The following KCNQ1 variants were observed in gnomAD, a reference collection of about 807,000 sequenced individuals.
KCNQ1 encodes the protein potassium voltage-gated channel subfamily KQT member 1.
A neutral mutation model predicts 72.4 loss-of-function variants in KCNQ1; 49 were observed. The ratio of observed to expected loss-of-function variants is 0.68; its 90% CI spans 0.54 to 0.86. The LOEUF (loss-of-function observed/expected upper bound fraction) is 0.86. Among genes scored for constraint, KCNQ1 ranks in the 40% least tolerant of loss-of-function variants. KCNQ1 has a pLI of 0.00. For synonymous variants in KCNQ1, 450 were observed against 412.6 expected (o/e 1.09, Z -1.10); for missense variants, 790 against 945.1 (o/e 0.84, Z 2.15).
intron 1 of KCNQ1, among the ~76,000 whole-genome samples, chr11:2,503,092 A>G (rs1340511925): frequency 6.6e-6 from 1 of 152,208 alleles, no homozygotes; most frequent in Non-Finnish European, 1.5e-5. Context: ...CTAAAAAGAC[A>G]TTGGAGAAAC....
chr11:2,699,679 G>A, intron 11 of KCNQ1: 1 of 355,192 alleles, frequency 2.8e-6, no homozygotes, highest in Non-Finnish European at 5.0e-6. Flanking sequence ...GAACCGCGCC[G>A]AAAAGCCCCG....
chr11:2,765,830 C>T (rs1846487735), intron 11 of KCNQ1, among the ~76,000 whole-genome samples: 2 of 152,042 alleles, frequency 1.3e-5, no homozygotes, highest in South Asian at 2.1e-4. Flanking sequence ...GTTTTTGTAT[C>T]GTTATATTTT....
chr11:2,670,582 C>T lies in KCNQ1; in HGVS notation c.1514+8501C>T. ...TATCACTGGGAGATAGGAGCAGAAG[C>T]CAGGGCTCATTCCCAGACACACAAT... On this transcript the variant is annotated intron_variant, in intron 11 of 15. Coordinates refer to ENST00000155840, the MANE Select transcript of KCNQ1 (RefSeq NM_000218.3). This position sits in a 1 kb window ranked among gnomAD's most constrained non-coding sequence, Gnocchi z 4.9. 2.5e-6 allele frequency: 1 copy of T among 398,168 alleles called. No individual in the cohort carries two copies. Among genetic ancestry groups the T allele is most frequent in the Non-Finnish European group, 4.4e-6 (1 of 225,988 alleles). 24.7% of individuals were successfully genotyped at this position (398,168 alleles called of 1,614,324 possible). A position where few individuals can be genotyped will look rare whatever the true frequency, so the allele number is the denominator to read the frequency against.
At chr11:2,476,027 A>G (rs544050856) in intron 1 of KCNQ1, among the ~76,000 whole-genome samples, 28 of 152,362 alleles carry the variant, frequency 1.8e-4, no homozygotes, top group Admixed American at 5.9e-4. Flanking sequence ...AACTATTTAA[A>G]ATGCAAAGGA....
At chr11:2,553,198 G>T (rs1361077679) in intron 2 of KCNQ1, among the ~76,000 whole-genome samples, 1 of 147,978 alleles carries the variant, frequency 6.8e-6, no homozygotes, top group Non-Finnish European at 1.5e-5. Flanking sequence ...GATTCTTTAG[G>T]ATTTTCTATG....
At chr11:2,702,859 T>C (rs1439264517) in intron 11 of KCNQ1, among the ~76,000 whole-genome samples, 1 of 152,192 alleles carries the variant, frequency 6.6e-6, no homozygotes, top group Non-Finnish European at 1.5e-5. Context: ...TTCTGTGTCC[T>C]ATGTCCTCTG....
At chr11:2,793,170 G>A (rs1847064400) in intron 15 of KCNQ1, among the ~76,000 whole-genome samples, 1 of 152,234 alleles carries the variant, frequency 6.6e-6, no homozygotes, top group Non-Finnish European at 1.5e-5. Context: ...GCATCAGGCA[G>A]GGCCCGCCTG....
At chr11:2,618,056 G>GT in intron 10 of KCNQ1, 1 of 398,402 alleles carries the variant, frequency 2.5e-6, no homozygotes, top group East Asian at 3.6e-5. Context: ...CCAATTATTT[G>GT]TTTTTGTAGC....
rs541823964 is a variant in KCNQ1, at chr11:2,564,368, C to A, written c.478-6260C>A. Among the ~76,000 whole-genome samples the A allele has an allele frequency of 6.6e-6, 1 of 152,070 alleles. No individual in the cohort carries two copies. Reference sequence around the variant, plus strand: ...CAGCACTTTGGAAGGCTGAGGCGGGCGGATCACCTGAGGTCAGGAGTTTGA... The same window carrying A: ...CAGCACTTTGGAAGGCTGAGGCGGGAGGATCACCTGAGGTCAGGAGTTTGA... On this transcript the variant is annotated intron_variant, in intron 2 of 15. Transcript: ENST00000155840. This position sits in a 1 kb window ranked among gnomAD's most constrained non-coding sequence, Gnocchi z 4.5.
chr11:2,504,830 C>T (rs1025828250), intron 1 of KCNQ1, among the ~76,000 whole-genome samples: 1 of 152,016 alleles, frequency 6.6e-6, no homozygotes, highest in Non-Finnish European at 1.5e-5. Context: ...AGTAGATACC[C>T]CCATTTACCT....
intron 11 of KCNQ1, among the ~76,000 whole-genome samples, chr11:2,754,289 G>A (rs1258236932): frequency 6.6e-6 from 1 of 152,236 alleles, no homozygotes; most frequent in Non-Finnish European, 1.5e-5. Context: ...CACAGGCAGT[G>A]GTGCCAGAAA....
chr11:2,560,837 A>G (rs553144699), intron 2 of KCNQ1, among the ~76,000 whole-genome samples: 1 of 152,086 alleles, frequency 6.6e-6, no homozygotes, highest in Non-Finnish European at 1.5e-5. Context: ...ACAGACGTGG[A>G]GGAAAGGAGG....
In KCNQ1 at chr11:2,724,996, C is replaced by T. The variant is rs113364136; in HGVS notation, c.1515-43848C>T. 6.6e-4 allele frequency among the ~76,000 whole-genome samples: 101 copies of T among 152,288 alleles called. No individual in the cohort carries two copies. Among genetic ancestry groups the T allele is most frequent in the African/African-American group, 2.3e-3 (97 of 41,560 alleles). Reference sequence around the variant, plus strand: ...AGCCACTGGATTGGAACTTGGTGTGCCACCAGGGTCCCTGTCCGTTTAAGA... The same window carrying T: ...AGCCACTGGATTGGAACTTGGTGTGTCACCAGGGTCCCTGTCCGTTTAAGA... On this transcript the variant is annotated intron_variant, in intron 11 of 15. Transcript: ENST00000155840. This position sits in a 1 kb window ranked among gnomAD's most constrained non-coding sequence, Gnocchi z 6.8.
At chr11:2,758,479 G>A (rs979953190) in intron 11 of KCNQ1, among the ~76,000 whole-genome samples, 8 of 152,232 alleles carry the variant, frequency 5.3e-5, no homozygotes, top group African/African-American at 7.2e-5. Flanking sequence ...TGCAGCACTC[G>A]GGGAAAATAA....
chr11:2,577,663 T>C (rs1564822666), intron 6 of KCNQ1, among the ~76,000 whole-genome samples: 1 of 152,204 alleles, frequency 6.6e-6, no homozygotes, highest in African/African-American at 2.4e-5. Flanking sequence ...GCTTTTACCC[T>C]GAGAGTTTGC....
Position 2,541,053 on chromosome 11 carries a change from G to C in KCNQ1, c.477+13035G>C, listed in dbSNP as rs527422155. Among the ~76,000 whole-genome samples, 2 of 152,060 alleles carry C rather than the reference G, an allele frequency of 1.3e-5. No homozygotes were observed. The highest frequency in any genetic ancestry group is 4.8e-5 in the African/African-American group (2 of 41,466). ...TAGGTACCCATGTGGACACACTCACGTGTGTGTGCACGTTCAGGCTCAGAC... is the reference window on the plus strand; with the variant it reads ...TAGGTACCCATGTGGACACACTCACCTGTGTGTGCACGTTCAGGCTCAGAC... On this transcript the variant is annotated intron_variant, in intron 2 of 15. Transcript: ENST00000155840. The surrounding 1 kb of genome is among the most constrained non-coding windows in gnomAD (Gnocchi z 4.8).
In KCNQ1 at chr11:2,599,412, T is replaced by C; in HGVS notation, c.1393+10558T>C. On this transcript the variant is annotated intron_variant, in intron 10 of 15. Transcript: ENST00000155840. This position sits in a 1 kb window ranked among gnomAD's most constrained non-coding sequence, Gnocchi z 4.7. ...CTATTCTAAAATTTATAATCTCTGC[T>C]TAATTTCCTTTGGTGTACATACTCT... is the stretch of plus-strand genomic sequence containing the variant. Among the ~76,000 whole-genome samples the C allele has an allele frequency of 6.6e-6, 1 of 152,246 alleles. No individual in the cohort carries two copies. The highest frequency in any genetic ancestry group is 1.9e-4 in the East Asian group (1 of 5,202).
In KCNQ1 at chr11:2,602,165, A is replaced by C. The variant is rs1377687760; in HGVS notation, c.1393+13311A>C. ...AAAGAACGCTTCCAGAAGAAAAGGC[A>C]AGGAAAGGGAAGGGATGCTCCCCTG... is the stretch of plus-strand genomic sequence containing the variant. On this transcript the variant is annotated intron_variant, in intron 10 of 15. Coordinates refer to ENST00000155840, the MANE Select transcript of KCNQ1 (RefSeq NM_000218.3). This position sits in a 1 kb window ranked among gnomAD's most constrained non-coding sequence, Gnocchi z 4.8. Among the ~76,000 whole-genome samples, 1 of 152,150 alleles carries C rather than the reference A, an allele frequency of 6.6e-6. No homozygotes were observed. Among genetic ancestry groups the C allele is most frequent in the Non-Finnish European group, 1.5e-5 (1 of 68,020 alleles).
chr11:2,845,573 G>C (rs1406607132), intron 15 of KCNQ1, among the ~76,000 whole-genome samples: 1 of 152,202 alleles, frequency 6.6e-6, no homozygotes, highest in African/African-American at 2.4e-5. Flanking sequence ...GTTTATCTGG[G>C]AAAAATAAAA....
Sources: gnomAD v4.1 joint callset for allele counts (sites outside exome capture counted in the v4.1 genomes callset) on GRCh38, gnomAD v4.1.1 for gene constraint, Gnocchi (gnomAD v3.1) non-coding constraint, MANE v1.5 for transcripts, NCBI Gene and HGNC (gene_info 2026-07-23, HGNC 2026-07-21) for gene names.